Variants in TENM4 observed in about 807,000 individuals in gnomAD.
TENM4 encodes the protein teneurin-4.
TENM4 carries 82 observed loss-of-function variants against 243.3 expected under a neutral mutation model. The observed-to-expected ratio is 0.34, with a 90% CI of 0.28 to 0.40. The LOEUF is 0.40. TENM4 is among the 10% of genes least tolerant of loss of function. The pLI is 1.00. For missense variants in TENM4, 3,138 were observed against 3,673.3 expected (o/e 0.85, Z 3.77); for synonymous variants, 1,412 against 1,456.3 (o/e 0.97, Z 0.69).
At chr11:78,741,477 G>A (rs574022585) in intron 19 of TENM4, among the ~76,000 whole-genome samples, 18 of 152,208 alleles carry the variant, frequency 1.2e-4, no homozygotes, top group Non-Finnish European at 2.2e-4. Flanking sequence ...TACTGCCACC[G>A]TGGAGACGCG....
At position 79,064,981 on chromosome 11, in the gene TENM4, C is replaced by T; in HGVS notation, c.250G>A (p.Gly84Arg). The T allele has an allele frequency of 6.8e-7, 1 of 1,464,140 alleles. No homozygotes were observed. The highest frequency in any genetic ancestry group is 9.1e-7 in the Non-Finnish European group (1 of 1,103,062). The allele number at this position is 1,464,140 out of a possible 1,614,324, so 90.7% of individuals were successfully genotyped here. A position where few individuals can be genotyped will look rare whatever the true frequency, so the allele number is the denominator to read the frequency against. The stretch of plus-strand genomic sequence containing the variant: ...TGAGGGGGCGTTACTTCTTCCAGCC[C>T]CAGCTCCCGCAGGGTGAAGTTGGCA... ...TGANFTLREL[G>R]LEEVTPPHGT... Residue 84 changes from glycine (G) to arginine (R), a missense_variant, in exon 6 of 34, where the codon GGG becomes AGG. By Grantham distance (125) the Gly-to-Arg change is moderately radical. Transcript: ENST00000278550.
At chr11:79,023,476 C>G (rs367566033) in intron 6 of TENM4, among the ~76,000 whole-genome samples, 12 of 151,038 alleles carry the variant, frequency 7.9e-5, no homozygotes, top group African/African-American at 2.9e-4. Context: ...GCAGGAGAAT[C>G]GCTTGAACCT....
At chr11:78,787,995 C>T (rs1856975509) in intron 15 of TENM4, among the ~76,000 whole-genome samples, 1 of 152,228 alleles carries the variant, frequency 6.6e-6, no homozygotes, top group Non-Finnish European at 1.5e-5. Flanking sequence ...CTGAAGCTCT[C>T]TGCCAGGGCT....
chr11:79,276,724 G>C (rs1004606134), intron 2 of TENM4, among the ~76,000 whole-genome samples: 6 of 152,060 alleles, frequency 3.9e-5, no homozygotes, highest in African/African-American at 1.2e-4. Flanking sequence ...GGAGACTTTG[G>C]GGGCCTCTAC....
chr11:78,962,788 C>T (rs2136538605), intron 6 of TENM4, among the ~76,000 whole-genome samples: 1 of 152,328 alleles, frequency 6.6e-6, no homozygotes, highest in Non-Finnish European at 1.5e-5. Context: ...GTGATGTCAC[C>T]GAACTGATAT....
intron 6 of TENM4, among the ~76,000 whole-genome samples, chr11:78,914,790 T>C (rs114191499): frequency 0.019 from 2,961 of 152,308 alleles, 84 homozygotes; most frequent in African/African-American, 0.067. Context: ...CCTCTAGCTG[T>C]CATCTTCCAC....
At chr11:78,863,267 G>A (rs556249056) in intron 9 of TENM4, 135 bp from the exon 10 acceptor site, 1 of 1,026,130 alleles carries the variant, frequency 9.7e-7, no homozygotes, top group African/African-American at 1.6e-5. Flanking sequence ...CCAAAAGGAA[G>A]CTCTTGTAGT....
chr11:79,241,414 A>T (rs781135097), intron 2 of TENM4, among the ~76,000 whole-genome samples: 10 of 152,036 alleles, frequency 6.6e-5, no homozygotes, highest in Non-Finnish European at 1.5e-4. Context: ...TGGGGCCTGC[A>T]TGGCTGGCTT....
At chr11:79,191,955 G>GCC (rs201346247) in intron 3 of TENM4, among the ~76,000 whole-genome samples, 4,129 of 151,768 alleles carry the variant, frequency 0.027, 85 homozygotes, top group Non-Finnish European at 0.04. Context: ...GTGGGGGTCA[G>GCC]CCCCCCGCCC....
intron 21 of TENM4, among the ~76,000 whole-genome samples, chr11:78,729,858 G>A (rs1017463017): frequency 3.3e-5 from 5 of 152,096 alleles, no homozygotes; most frequent in Admixed American, 6.5e-5. Context: ...GCATAAATGA[G>A]ATGGGAGAAA....
At position 79,125,025 on chromosome 11, in the gene TENM4, T is replaced by A. The variant is rs538118746; in HGVS notation, c.-66+23685A>T. Among the ~76,000 whole-genome samples the A allele has an allele frequency of 2.5e-4, 38 of 151,236 alleles. 1 individual carries two copies. The highest frequency in any genetic ancestry group is 9.2e-4 in the African/African-American group (38 of 41,240). On this transcript the variant is annotated intron_variant, in intron 4 of 33. Transcript: ENST00000278550. ...GAGAAATAGAATATTAAGGATGGAG[T>A]ATTTTGGTGGTTTCAGGGTTTCTGG... is the stretch of plus-strand genomic sequence containing the variant.
intron 4 of TENM4, chr11:79,096,953 C>T: frequency 6.6e-6 from 1 of 152,402 alleles, no homozygotes; most frequent in Non-Finnish European, 1.5e-5. Context: ...CACACACACA[C>T]ACACACACAC....
chr11:79,415,918 C>T (rs933917432), intron 1 of TENM4, among the ~76,000 whole-genome samples: 1 of 151,952 alleles, frequency 6.6e-6, no homozygotes, highest in East Asian at 1.9e-4. Context: ...TCCAGGCAAC[C>T]CCTGACCTGC....
At chr11:78,861,100 G>A (rs1264512392) in intron 10 of TENM4, among the ~76,000 whole-genome samples, 1 of 152,204 alleles carries the variant, frequency 6.6e-6, no homozygotes, top group Non-Finnish European at 1.5e-5. Flanking sequence ...ATCTACATTT[G>A]TACATGCTGA....
In TENM4 at chr11:78,657,286, TG is replaced by T. The variant is rs1291932372; in HGVS notation, c.*771del. On this transcript the variant is annotated 3_prime_UTR_variant, in exon 34 of 34. Transcript: ENST00000278550. ...CTCTGAGCCCAGGATGTTATGTCAC[TG>T]GTCTGGGGGAAAGGACCTGGGAGAC... 3 of 398,218 alleles carry T rather than the reference TG, an allele frequency of 7.5e-6. No individual in the cohort carries two copies. Among genetic ancestry groups the T allele is most frequent in the African/African-American group, 2.1e-5 (1 of 48,742 alleles). 24.7% of individuals were successfully genotyped at this position (398,218 alleles called of 1,614,324 possible).
intron 6 of TENM4, among the ~76,000 whole-genome samples, chr11:78,995,471 T>C (rs1432228669): frequency 6.6e-6 from 1 of 152,144 alleles, no homozygotes; most frequent in African/African-American, 2.4e-5. Flanking sequence ...AGAAGTCAAT[T>C]ACCTTCTACC....
intron 4 of TENM4, among the ~76,000 whole-genome samples, chr11:79,095,760 G>A (rs1389979532): frequency 1.3e-5 from 2 of 152,198 alleles, no homozygotes; most frequent in African/African-American, 4.8e-5. Flanking sequence ...AGAGGTGCTG[G>A]GTCACTCAGT....
rs116256744 is a variant in TENM4 at position 79,278,533 on chromosome 11, C to T, written c.-265+18955G>A. 4.3e-3 allele frequency among the ~76,000 whole-genome samples: 652 copies of T among 152,316 alleles called. 7 individuals carry two copies. The highest frequency in any genetic ancestry group is 0.015 in the African/African-American group (627 of 41,562). On this transcript the variant is annotated intron_variant, in intron 2 of 33. Coordinates refer to ENST00000278550, the MANE Select transcript of TENM4 (RefSeq NM_001098816.3). ...AGCCGCTGAGAACCTCTTGAAAGAACTCTCTTCCCAGACTCCAGACATCGG... is the reference window on the plus strand; with the variant it reads ...AGCCGCTGAGAACCTCTTGAAAGAATTCTCTTCCCAGACTCCAGACATCGG...
intron 4 of TENM4, among the ~76,000 whole-genome samples, chr11:79,110,096 C>T (rs1383651294): frequency 6.6e-6 from 1 of 152,242 alleles, no homozygotes. Flanking sequence ...AGTCTTCCCT[C>T]ACCCTTTTCG....
Sources: gnomAD v4.1 joint callset for allele counts (sites outside exome capture counted in the v4.1 genomes callset) on GRCh38, gnomAD v4.1.1 for gene constraint, MANE v1.5 for transcripts, NCBI Gene and HGNC (gene_info 2026-07-23, HGNC 2026-07-21) for gene names.